Variants in IL1RAPL2 observed in about 807,000 individuals in gnomAD.
IL1RAPL2 encodes X-linked interleukin-1 receptor accessory protein-like 2.
A neutral mutation model predicts 44.1 loss-of-function variants in IL1RAPL2; 3 were observed. That is an observed-to-expected ratio of 0.07 (90% CI 0.03 to 0.18). The LOEUF (loss-of-function observed/expected upper bound fraction) is 0.18. Among genes scored for constraint, IL1RAPL2 ranks in the 10% least tolerant of loss-of-function variants. The probability of loss-of-function intolerance (pLI) is 1.00; values close to 1 mark genes in which losing one functional copy is unlikely to be tolerated. For synonymous variants in IL1RAPL2, 181 were observed against 178.8 expected (o/e 1.01, Z -0.10); for missense variants, 391 against 496.4 (o/e 0.79, Z 2.02).
At chrX:104,848,633 A>G (rs1452625673) in intron 2 of IL1RAPL2, among the ~76,000 whole-genome samples, 1 of 108,265 alleles carries the variant, frequency 9.2e-6, no homozygotes, top group Non-Finnish European at 1.9e-5. Flanking sequence ...TTCACTTTGT[A>G]TATAAAATTA....
Position 104,582,696 on chromosome X carries a change from C to CTT in IL1RAPL2, c.-20+15646_-20+15647insTT, listed in dbSNP as rs1569487606. On this transcript the variant is annotated intron_variant, in intron 1 of 10. Coordinates refer to ENST00000372582, the MANE Select transcript of IL1RAPL2 (RefSeq NM_017416.2). ...TCTTTCTCTTTCTTTCTTTCTTTCTCTCTCTCTCCTTTATTTCTTTCTTTC... is the reference window on the plus strand; with the variant it reads ...TCTTTCTCTTTCTTTCTTTCTTTCTCTTTCTCTCTCCTTTATTTCTTTCTTTC... Among the ~76,000 whole-genome samples the CTT allele has an allele frequency of 5.6e-4, 30 of 53,204 alleles. 1 individual carries two copies. The East Asian group carries it at 0.022, about 38-fold the overall frequency. The allele number at this position is 53,204 out of a possible 115,157, so 46.2% of individuals were successfully genotyped here.
At chrX:105,220,842 C>T (rs1556181064) in intron 3 of IL1RAPL2, among the ~76,000 whole-genome samples, 1 of 111,772 alleles carries the variant, frequency 8.9e-6, no homozygotes, top group Middle Eastern at 4.6e-3. Context: ...CCTTAAAGGT[C>T]GGAAGAAACA....
intron 6 of IL1RAPL2, among the ~76,000 whole-genome samples, chrX:105,513,983 C>T (rs923310026): frequency 1.8e-5 from 2 of 111,213 alleles, no homozygotes; most frequent in African/African-American, 6.5e-5. Context: ...CAGTTTTCTG[C>T]AAACTAATTT....
intron 5 of IL1RAPL2, among the ~76,000 whole-genome samples, chrX:105,289,211 G>C (rs191418840): frequency 9.0e-6 from 1 of 111,133 alleles, no homozygotes; most frequent in East Asian, 2.8e-4. Flanking sequence ...AGAGAGAGTA[G>C]TGGAGAGAAA....
intron 5 of IL1RAPL2, among the ~76,000 whole-genome samples, chrX:105,451,543 A>G (rs1488419198): frequency 8.9e-6 from 1 of 111,971 alleles, no homozygotes; most frequent in East Asian, 2.8e-4. Context: ...AAAAGGAAAG[A>G]TAGAGTTGTA....
intron 1 of IL1RAPL2, 29 bp from the exon 2 acceptor site, chrX:104,658,866 A>C (rs1930330439): frequency 9.7e-7 from 1 of 1,032,502 alleles, no homozygotes; most frequent in South Asian, 2.0e-5. Flanking sequence ...TGTGGTTCAA[A>C]CTTTATATCC....
intron 2 of IL1RAPL2, among the ~76,000 whole-genome samples, chrX:104,946,382 A>G (rs1312734151): frequency 1.2e-5 from 1 of 83,075 alleles, no homozygotes; most frequent in Non-Finnish European, 2.3e-5. Context: ...TCCGTCTCAA[A>G]AAAAAAAAAA....
At chrX:105,597,192 G>T (rs922575853) in intron 6 of IL1RAPL2, among the ~76,000 whole-genome samples, 8 of 111,711 alleles carry the variant, frequency 7.2e-5, no homozygotes, top group African/African-American at 2.6e-4. Flanking sequence ...CATAAAAATG[G>T]GCAGTGTACC....
At chrX:104,857,534 A>G in intron 2 of IL1RAPL2, among the ~76,000 whole-genome samples, 1 of 112,157 alleles carries the variant, frequency 8.9e-6, no homozygotes, top group Non-Finnish European at 1.9e-5. Flanking sequence ...GACCACTTTA[A>G]TGAGATTCCC....
At chrX:104,842,345 G>A (rs1921930206) in intron 2 of IL1RAPL2, among the ~76,000 whole-genome samples, 1 of 110,614 alleles carries the variant, frequency 9.0e-6, no homozygotes, top group African/African-American at 3.3e-5. Context: ...TGCTCCTTTA[G>A]CTCAGAGGAG....
At chrX:105,011,943 G>A (rs1219857297) in intron 2 of IL1RAPL2, among the ~76,000 whole-genome samples, 6 of 110,938 alleles carry the variant, frequency 5.4e-5, no homozygotes, top group African/African-American at 2.0e-4. Flanking sequence ...AACTTCAGAT[G>A]CCCCTTAAAG....
chrX:104,887,240 G>C (rs745703655), intron 2 of IL1RAPL2, among the ~76,000 whole-genome samples: 14 of 112,252 alleles, frequency 1.2e-4, no homozygotes, highest in Admixed American at 7.5e-4. Flanking sequence ...AGTAGAATGG[G>C]AACCAGGGAC....
At chrX:105,504,597 G>A (rs2036418320) in intron 6 of IL1RAPL2, among the ~76,000 whole-genome samples, 1 of 111,003 alleles carries the variant, frequency 9.0e-6, no homozygotes, top group Admixed American at 9.6e-5. Flanking sequence ...TAATCTTAAG[G>A]GTATATGTAC....
chrX:104,962,247 T>C lies in IL1RAPL2; in HGVS notation c.83-233228T>C, dbSNP rs368016226. On this transcript the variant is annotated intron_variant, in intron 2 of 10. Coordinates refer to ENST00000372582, the MANE Select transcript of IL1RAPL2 (RefSeq NM_017416.2). ...CAAAATGATTTTGAAGGTAAGTAAA[T>C]ATACTTGGGAAATTGACAGCCAAGA... 8.0e-5 allele frequency among the ~76,000 whole-genome samples: 9 copies of C among 112,228 alleles called. No homozygotes were observed. The East Asian group carries it at 2.2e-3, about 28-fold the overall frequency.
intron 6 of IL1RAPL2, among the ~76,000 whole-genome samples, chrX:105,489,794 TC>T (rs1288683649): frequency 1.8e-4 from 16 of 88,070 alleles, no homozygotes; most frequent in African/African-American, 5.8e-4. Context: ...TCTTTCTCTC[TC>T]TCTCTCTCTC....
At chrX:105,211,460 C>T (rs1006598788) in intron 3 of IL1RAPL2, among the ~76,000 whole-genome samples, 3 of 111,131 alleles carry the variant, frequency 2.7e-5, no homozygotes, top group Admixed American at 9.5e-5. Flanking sequence ...CTGGGGTTAA[C>T]CCCAGGCCTG....
intron 3 of IL1RAPL2, chrX:105,218,900 G>C: frequency 1.0e-6 from 1 of 998,614 alleles, no homozygotes; most frequent in Non-Finnish European, 1.4e-6. Flanking sequence ...CCACAAGCCT[G>C]CCCTCTGAAA....
intron 2 of IL1RAPL2, among the ~76,000 whole-genome samples, chrX:104,745,764 A>G (rs895862189): frequency 1.8e-4 from 20 of 111,796 alleles, no homozygotes; most frequent in African/African-American, 6.2e-4. Flanking sequence ...TGGGAAATGC[A>G]GAGAAATAAG....
chrX:105,058,421 T>C (rs1336694277), intron 2 of IL1RAPL2, among the ~76,000 whole-genome samples: 1 of 111,926 alleles, frequency 8.9e-6, no homozygotes, highest in African/African-American at 3.3e-5. Flanking sequence ...TAATAATTGC[T>C]CTTTCAGGGA....
Sources: gnomAD v4.1 joint callset for allele counts (sites outside exome capture counted in the v4.1 genomes callset) on GRCh38, gnomAD v4.1.1 for gene constraint, MANE v1.5 for transcripts, NCBI Gene and HGNC (gene_info 2026-07-23, HGNC 2026-07-21) for gene names.